The following MAP3K3 variants were observed in gnomAD, a reference collection of about 807,000 sequenced individuals.
MAP3K3 encodes the protein mitogen-activated protein kinase kinase kinase 3, also known as MAP/ERK kinase kinase 3.
Under a neutral mutation model 80.9 loss-of-function variants are expected in MAP3K3, and 12 were observed. That is an observed-to-expected ratio of 0.15 (90% CI 0.10 to 0.24). The LOEUF (loss-of-function observed/expected upper bound fraction) is 0.24, where lower values mean the gene tolerates loss of function less well. Among genes scored for constraint, MAP3K3 ranks in the 10% least tolerant of loss-of-function variants. MAP3K3 has a pLI of 1.00. For missense variants in MAP3K3, 596 were observed against 834.7 expected, an observed-to-expected ratio of 0.71 and a Z score of 3.52; for synonymous variants, 272 against 307.1, an observed-to-expected ratio of 0.89 and a Z score of 1.19.
chr17:63,675,467 G>A (rs531591243), intron 6 of MAP3K3, among the ~76,000 whole-genome samples: 12 of 152,156 alleles, frequency 7.9e-5, no homozygotes, highest in Non-Finnish European at 1.8e-4. Flanking sequence ...TATGAGAAGG[G>A]CTAGAATCTG....
At chr17:63,637,944 C>G (rs1176185618) in intron 2 of MAP3K3, among the ~76,000 whole-genome samples, 1 of 152,174 alleles carries the variant, frequency 6.6e-6, no homozygotes, top group Non-Finnish European at 1.5e-5. Flanking sequence ...CCTTGGCTAT[C>G]ATTTCTAGAG....
rs1258969635 is a variant in MAP3K3 at position 63,694,308 on chromosome 17, C to T, written c.*531C>T. ...GCCCAGGCTGCCGTCCCCTAGAGTC[C>T]CAGGTTGGCTCTGCCAGTCCTGTCC... On this transcript the variant is annotated 3_prime_UTR_variant, in exon 16 of 16. Transcript: ENST00000361733. The T allele has an allele frequency of 6.5e-6, 1 of 152,904 alleles. No homozygotes were observed. The highest frequency in any genetic ancestry group is 2.4e-5 in the African/African-American group (1 of 41,468). 9.5% of individuals were successfully genotyped at this position (152,904 alleles called of 1,614,324 possible). A position where few individuals can be genotyped will look rare whatever the true frequency, so the allele number is the denominator to read the frequency against.
At chr17:63,666,188 CCCTTGA>C (rs1362164060) in intron 5 of MAP3K3, among the ~76,000 whole-genome samples, 19 of 152,208 alleles carry the variant, frequency 1.2e-4, no homozygotes, top group African/African-American at 4.3e-4. Context: ...TCCTCTCAGG[CCCTTGA>C]CCTCTGTCTG....
At chr17:63,684,565 A>G (rs1699494164) in intron 7 of MAP3K3, among the ~76,000 whole-genome samples, 1 of 152,192 alleles carries the variant, frequency 6.6e-6, no homozygotes, top group Non-Finnish European at 1.5e-5. Flanking sequence ...AATGGGAAAA[A>G]ATATTTGAGT....
chr17:63,678,708 A>G (rs1306632546), intron 6 of MAP3K3, among the ~76,000 whole-genome samples: 1 of 152,264 alleles, frequency 6.6e-6, no homozygotes, highest in Non-Finnish European at 1.5e-5. Context: ...ATATGTTCTG[A>G]ACAACTGACT....
chr17:63,671,604 C>T (rs1462143401), intron 6 of MAP3K3, among the ~76,000 whole-genome samples: 1 of 152,098 alleles, frequency 6.6e-6, no homozygotes, highest in Admixed American at 6.6e-5. Context: ...AATTCTCTCA[C>T]AAGGGTACAA....
chr17:63,689,533 C>T lies in MAP3K3; in HGVS notation c.872-11C>T, dbSNP rs778780995. The T allele has an allele frequency of 2.5e-6, 4 of 1,609,152 alleles. No individual in the cohort carries two copies. Among genetic ancestry groups the T allele is most frequent in the Non-Finnish European group, 3.4e-6 (4 of 1,177,374 alleles). On this transcript the variant is annotated splice_polypyrimidine_tract_variant and intron_variant, in intron 10 of 15. Coordinates refer to ENST00000361733, the MANE Select transcript of MAP3K3 (RefSeq NM_002401.5). This position sits in a 1 kb window ranked among gnomAD's most constrained non-coding sequence, Gnocchi z 4.3. ...GTGACTTGCTCTCCTCTGGCCCTTG[C>T]ACCCTTTCAGGCAGAAGAACATTTC...
chr17:63,691,023 A>T lies in MAP3K3; in HGVS notation c.1213-79A>T, dbSNP rs1429354652. ...AAGGCAGATCCCTGTGAGGCCACTA[A>T]CTAGGGCAAGCTGAGCTGAACCCAG... On this transcript the variant is annotated intron_variant, in intron 12 of 15. Transcript: ENST00000361733. The surrounding 1 kb of genome is among the most constrained non-coding windows in gnomAD (Gnocchi z 4.8). The T allele has an allele frequency of 6.3e-6, 10 of 1,579,282 alleles. No individual in the cohort carries two copies. Among genetic ancestry groups the T allele is most frequent in the Non-Finnish European group, 8.6e-6 (10 of 1,156,152 alleles).
At chr17:63,632,599 G>A in intron 1 of MAP3K3, 82 bp from the exon 2 acceptor site, 2 of 1,514,666 alleles carry the variant, frequency 1.3e-6, no homozygotes, top group Non-Finnish European at 1.8e-6. Context: ...AGAACTCCCT[G>A]AGTATTAGTT....
At chr17:63,687,212 A>G (rs1209021235) in intron 8 of MAP3K3, among the ~76,000 whole-genome samples, 1 of 148,404 alleles carries the variant, frequency 6.7e-6, no homozygotes, top group Non-Finnish European at 1.5e-5. Context: ...CTAAAAATGA[A>G]AAAAAAAAAA....
intron 6 of MAP3K3, among the ~76,000 whole-genome samples, chr17:63,680,566 T>A (rs912894947): frequency 6.6e-6 from 1 of 152,204 alleles, no homozygotes; most frequent in South Asian, 2.1e-4. Flanking sequence ...CAGAAAAAGC[T>A]CTTGGGCTAG....
Position 63,691,780 on chromosome 17 carries a change from C to T in MAP3K3, c.1392C>T (p.Ser464=), listed in dbSNP as rs774997840. Reference sequence around the variant, plus strand: ...AGGCTTACGGTGCTCTGACAGAGAGCGTGACCCGAAAGTACACGCGGCAGA... The same window carrying T: ...AGGCTTACGGTGCTCTGACAGAGAGTGTGACCCGAAAGTACACGCGGCAGA... The part of the protein sequence containing the change: ...QLKAYGALTE[S]VTRKYTRQIL... Residue 464 remains serine, a synonymous_variant, in exon 14 of 16, where the codon AGC becomes AGT. Coordinates refer to ENST00000361733, the MANE Select transcript of MAP3K3 (RefSeq NM_002401.5). The surrounding 1 kb of genome is among the most constrained non-coding windows in gnomAD (Gnocchi z 4.8). 8.1e-6 allele frequency: 13 copies of T among 1,613,928 alleles called. No homozygotes were observed. The highest frequency in any genetic ancestry group is 4.5e-5 in the East Asian group (2 of 44,892).
rs554794827 is a variant in MAP3K3 at position 63,651,409 on chromosome 17, G to A, written c.168-1148G>A. 3.6e-5 allele frequency among the ~76,000 whole-genome samples: 5 copies of A among 139,266 alleles called. No homozygotes were observed. In the South Asian group the frequency reaches 1.1e-3, roughly 30 times the overall value. The allele number at this position is 139,266 out of a possible 152,430, so 91.4% of individuals were successfully genotyped here. On this transcript the variant is annotated intron_variant, in intron 3 of 15. Coordinates refer to ENST00000361733, the MANE Select transcript of MAP3K3 (RefSeq NM_002401.5). The stretch of plus-strand genomic sequence containing the variant: ...GATTGCGTGAGCCCCAGAGGTTGAA[G>A]CTGCAGTGAGCCGTTATCATTGCCA...
At chr17:63,669,699 G>T (rs2035066300) in intron 6 of MAP3K3, among the ~76,000 whole-genome samples, 1 of 152,118 alleles carries the variant, frequency 6.6e-6, no homozygotes, top group African/African-American at 2.4e-5. Context: ...ATGACCACCT[G>T]CCTCGGCCTC....
chr17:63,640,803 G>C (rs2034424826), intron 2 of MAP3K3, among the ~76,000 whole-genome samples: 1 of 152,182 alleles, frequency 6.6e-6, no homozygotes, highest in African/African-American at 2.4e-5. Context: ...TAGGACATGT[G>C]CCTGCCAGGG....
intron 6 of MAP3K3, among the ~76,000 whole-genome samples, chr17:63,670,118 A>T (rs1434497620): frequency 6.6e-6 from 1 of 151,948 alleles, no homozygotes; most frequent in East Asian, 1.9e-4. Flanking sequence ...AAAAAAAAGT[A>T]ATTACCAAAG....
intron 2 of MAP3K3, chr17:63,634,935 G>C (rs1430756179): frequency 2.6e-6 from 2 of 757,590 alleles, no homozygotes; most frequent in African/African-American, 1.8e-5. Flanking sequence ...CGTGACCTGT[G>C]TTCAGTGCTT....
intron 3 of MAP3K3, among the ~76,000 whole-genome samples, chr17:63,649,385 C>T (rs571852033): frequency 8.6e-5 from 13 of 150,830 alleles, no homozygotes; most frequent in African/African-American, 3.2e-4. Flanking sequence ...TGCAGTGAGC[C>T]GAGATCGTGC....
intron 4 of MAP3K3, among the ~76,000 whole-genome samples, chr17:63,655,514 C>A (rs1325058913): frequency 6.6e-6 from 1 of 152,116 alleles, no homozygotes; most frequent in Non-Finnish European, 1.5e-5. Context: ...TGGTTTGAGA[C>A]AGGGTTTCAC....
Sources: allele counts gnomAD v4.1 joint callset (sites outside exome capture counted in the v4.1 genomes callset), GRCh38; gene constraint gnomAD v4.1.1; non-coding constraint Gnocchi (gnomAD v3.1); transcripts MANE v1.5; gene names NCBI Gene and HGNC (gene_info 2026-07-23, HGNC 2026-07-21).